IDO2: variants seen among roughly 807,000 people sequenced by gnomAD.
The protein encoded by IDO2 is indoleamine 2,3-dioxygenase-like 1 protein.
Under a neutral mutation model 45.1 loss-of-function variants are expected in IDO2, and 46 were observed. That is an observed-to-expected ratio of 1.02 (90% CI 0.80 to 1.30). The LOEUF is 1.30. IDO2 is among the 50% of genes most tolerant of loss of function. The pLI is 0.00. For synonymous variants in IDO2, 218 were observed against 184.9 expected (o/e 1.18, Z -1.45); for missense variants, 544 against 491.8 (o/e 1.11, Z -1.00).
Position 39,959,912 on chromosome 8 carries a change from G to A in IDO2, c.100-3696G>A, listed in dbSNP as rs571380709. Among the ~76,000 whole-genome samples, 33 of 152,276 alleles carry A rather than the reference G, an allele frequency of 2.2e-4. No individual in the cohort carries two copies. In the East Asian group the frequency reaches 6.4e-3, roughly 29 times the overall value. On this transcript the variant is annotated intron_variant, in intron 2 of 10. Transcript: ENST00000502986. ...ATTAGGAGCTTGAACCCAGGAGGCA[G>A]AGGTTGCAGTGAGCTGAGATCGCAC...
intron 9 of IDO2, among the ~76,000 whole-genome samples, chr8:40,008,235 G>A (rs1304969163): frequency 6.6e-6 from 1 of 151,916 alleles, no homozygotes; most frequent in Non-Finnish European, 1.5e-5. Flanking sequence ...TCATAGAGAT[G>A]TGGTCTCACC....
intron 9 of IDO2, among the ~76,000 whole-genome samples, chr8:40,006,961 G>A (rs947555889): frequency 6.6e-6 from 1 of 152,038 alleles, no homozygotes; most frequent in Non-Finnish European, 1.5e-5. Context: ...ACGTCTGGCT[G>A]ATAACTCTAC....
chr8:39,948,295 C>A (rs968502954), intron 1 of IDO2, among the ~76,000 whole-genome samples: 2 of 152,212 alleles, frequency 1.3e-5, no homozygotes, highest in Non-Finnish European at 2.9e-5. Context: ...CTACATACAA[C>A]ACCTTCTGAG....
At chr8:39,999,404 G>A (rs892942321) in intron 8 of IDO2, among the ~76,000 whole-genome samples, 5 of 149,992 alleles carry the variant, frequency 3.3e-5, no homozygotes, top group South Asian at 2.1e-4. Flanking sequence ...TCAGCCTACC[G>A]AGTAGCTGGG....
chr8:39,965,634 G>T (rs990027234), intron 3 of IDO2, among the ~76,000 whole-genome samples: 1 of 152,112 alleles, frequency 6.6e-6, no homozygotes, highest in African/African-American at 2.4e-5. Context: ...AGATGTATTC[G>T]AGTTAAGCTG....
chr8:39,978,521 C>A (rs1808295311), intron 3 of IDO2, among the ~76,000 whole-genome samples: 1 of 151,870 alleles, frequency 6.6e-6, no homozygotes, highest in African/African-American at 2.4e-5. Context: ...CCCATTATGG[C>A]AACAGGGCTA....
At chr8:39,984,176 G>T (rs958160261) in intron 5 of IDO2, among the ~76,000 whole-genome samples, 2 of 152,118 alleles carry the variant, frequency 1.3e-5, no homozygotes, top group Non-Finnish European at 2.9e-5. Flanking sequence ...TAGAATGGTA[G>T]TCAAAAATGC....
chr8:39,996,008 T>A (rs1320540248), intron 8 of IDO2, among the ~76,000 whole-genome samples: 1 of 151,184 alleles, frequency 6.6e-6, no homozygotes, highest in African/African-American at 2.4e-5. Flanking sequence ...TTCCTATAGA[T>A]CTGAGATATG....
intron 1 of IDO2, among the ~76,000 whole-genome samples, chr8:39,940,048 C>T (rs1391789193): frequency 6.6e-6 from 1 of 152,158 alleles, no homozygotes; most frequent in African/African-American, 2.4e-5. Context: ...ATCATGCAAC[C>T]CAAGACGCCA....
chr8:39,972,648 A>G (rs2129594156), intron 3 of IDO2, among the ~76,000 whole-genome samples: 1 of 135,454 alleles, frequency 7.4e-6, no homozygotes, highest in East Asian at 2.1e-4. Flanking sequence ...TCTACTGGGG[A>G]AAAAATGCTA....
At chr8:40,004,525 T>TGATA (rs201569450) in intron 8 of IDO2, among the ~76,000 whole-genome samples, 52,203 of 144,270 alleles carry the variant, frequency 0.36, 9,541 homozygotes, top group Middle Eastern at 0.42. Context: ...GACAGACAGA[T>TGATA]GATAGATAGA....
intron 1 of IDO2, 53 bp downstream of exon 1, chr8:39,935,271 A>AAGACTG: frequency 7.1e-7 from 1 of 1,413,454 alleles, no homozygotes; most frequent in Non-Finnish European, 9.9e-7. Context: ...TGTAAACATC[A>AAGACTG]AGACTGACAA....
intron 6 of IDO2, chr8:39,985,744 T>C: frequency 1.9e-6 from 1 of 531,546 alleles, no homozygotes; most frequent in Non-Finnish European, 3.4e-6. Context: ...TTTTTTACTG[T>C]ATTTTCCAGT....
At chr8:39,980,296 T>C (rs1195346747) in intron 4 of IDO2, among the ~76,000 whole-genome samples, 1 of 152,188 alleles carries the variant, frequency 6.6e-6, no homozygotes, top group Non-Finnish European at 1.5e-5. Context: ...AGCAAATTAG[T>C]GGAAAAGCCA....
At chr8:39,983,009 A>G (rs551167071) in intron 5 of IDO2, among the ~76,000 whole-genome samples, 3 of 152,192 alleles carry the variant, frequency 2.0e-5, no homozygotes, top group Non-Finnish European at 4.4e-5. Context: ...GAATTTCTCA[A>G]CCTGACCTTC....
intron 8 of IDO2, among the ~76,000 whole-genome samples, chr8:39,996,857 C>A (rs1389499311): frequency 6.6e-6 from 1 of 152,142 alleles, no homozygotes; most frequent in Non-Finnish European, 1.5e-5. Context: ...AATAATGTAA[C>A]TCAAAAACAA....
intron 8 of IDO2, among the ~76,000 whole-genome samples, chr8:40,003,892 A>C (rs977772321): frequency 3.3e-5 from 5 of 152,220 alleles, no homozygotes; most frequent in African/African-American, 1.2e-4. Context: ...TATCCATTTA[A>C]GAACATCTCT....
In IDO2 at chr8:39,990,545, G is replaced by A. The variant is rs577487455; in HGVS notation, c.667+707G>A. Among the ~76,000 whole-genome samples the A allele has an allele frequency of 6.6e-5, 10 of 152,280 alleles. No individual in the cohort carries two copies. In the South Asian group the frequency reaches 1.9e-3, roughly 28 times the overall value. On this transcript the variant is annotated intron_variant, in intron 8 of 10. Transcript: ENST00000502986. ...ATACACAAAAAAATACTTACACAAC[G>A]ACATCTGCCCAGCAACTGCCTTTCC...
chr8:39,955,098 G>C (rs763956427), intron 2 of IDO2, among the ~76,000 whole-genome samples: 7 of 150,360 alleles, frequency 4.7e-5, no homozygotes, highest in Non-Finnish European at 8.8e-5. Context: ...AGGTACTAGG[G>C]CTAGGGCTTC....
Sources: gnomAD v4.1 joint callset for allele counts (sites outside exome capture counted in the v4.1 genomes callset) on GRCh38, gnomAD v4.1.1 for gene constraint, MANE v1.5 for transcripts, NCBI Gene and HGNC (gene_info 2026-07-23, HGNC 2026-07-21) for gene names.